PLCG2: variants seen among roughly 807,000 people sequenced by gnomAD.
PLCG2 encodes the protein phospholipase C gamma 2, also known as 1-phosphatidylinositol 4,5-bisphosphate phosphodiesterase gamma-2.
In PLCG2, 69 loss-of-function variants were observed where a neutral mutation model predicts 175.6. That is an observed-to-expected ratio of 0.39 (90% confidence interval 0.32 to 0.48). PLCG2 has a LOEUF of 0.48. Among genes scored for constraint, PLCG2 ranks in the 20% least tolerant of loss-of-function variants. The pLI, the probability that PLCG2 is intolerant of heterozygous loss-of-function variation, is 0.91. For missense variants in PLCG2, 1,798 were observed against 1,650.9 expected, an observed-to-expected ratio of 1.09 and a Z score of -1.54; for synonymous variants, 827 against 624.0, an observed-to-expected ratio of 1.33 and a Z score of -4.85.
At position 81,907,696 on chromosome 16, in the gene PLCG2, G is replaced by A. The variant is rs770303470; in HGVS notation, c.1479G>A (p.Arg493=). ...GTTTCACTTTCTAGAAATGGACTCG[G>A]CACTACTGCGCCATTGCCGATGCCA... is the stretch of plus-strand genomic sequence containing the variant. The part of the protein sequence containing the change: ...MWDSIDQKWT[R]HYCAIADAKL... Residue 493 remains arginine, a synonymous_variant, in exon 16 of 33, where the codon CGG becomes CGA. Coordinates refer to ENST00000564138, the MANE Select transcript of PLCG2 (RefSeq NM_002661.5). 1 of 1,613,240 alleles carries A rather than the reference G, an allele frequency of 6.2e-7. No individual in the cohort carries two copies. The highest frequency in any genetic ancestry group is 8.5e-7 in the Non-Finnish European group (1 of 1,179,270).
intron 2 of PLCG2, among the ~76,000 whole-genome samples, chr16:81,816,934 C>G (rs1373242185): frequency 2.0e-5 from 3 of 152,136 alleles, no homozygotes; most frequent in Non-Finnish European, 2.9e-5. Context: ...TCTAGCTGGT[C>G]TAGAGTCTTC....
chr16:81,762,019 G>A (rs1240421324), intron 2 of PLCG2, among the ~76,000 whole-genome samples: 1 of 151,704 alleles, frequency 6.6e-6, no homozygotes. Context: ...TTTTAGTAGA[G>A]ATGGGGTTTC....
chr16:81,870,590 G>T (rs1158148062), intron 6 of PLCG2, among the ~76,000 whole-genome samples: 1 of 152,184 alleles, frequency 6.6e-6, no homozygotes, highest in African/African-American at 2.4e-5. Context: ...CCCAGACAGG[G>T]GGATTAGGGA....
Position 81,905,446 on chromosome 16 carries a change from A to G in PLCG2, c.1406A>G (p.Glu469Gly), listed in dbSNP as rs1597121726. The change falls in exon 15 of 33, where the codon GAG becomes GGG. Residue 469 changes from glutamate (E) to glycine (G), a missense_variant. By Grantham distance (98) the Glu-to-Gly change is moderately conservative (BLOSUM62 -2). Transcript: ENST00000564138. ...GPRGDVDVNMEDKKDEHKQQG... is the reference protein window; with the variant it reads ...GPRGDVDVNMGDKKDEHKQQG... ...CGAGGCGATGTGGATGTCAACATGG[A>G]GGACAAGAAGGACGAACACAAGCAA... 3 of 1,614,186 alleles carry G rather than the reference A, an allele frequency of 1.9e-6. No individual in the cohort carries two copies. Among genetic ancestry groups the G allele is most frequent in the Non-Finnish European group, 2.5e-6 (3 of 1,180,008 alleles).
intron 2 of PLCG2, among the ~76,000 whole-genome samples, chr16:81,810,785 G>C (rs139782896): frequency 6.6e-6 from 1 of 152,228 alleles, no homozygotes; most frequent in African/African-American, 2.4e-5. Flanking sequence ...GCACTGTATT[G>C]AGTTCTGATA....
At chr16:81,750,413 ACT>A (rs1381489249) in intron 1 of PLCG2, among the ~76,000 whole-genome samples, 3 of 96,260 alleles carry the variant, frequency 3.1e-5, no homozygotes, top group South Asian at 4.1e-4. Context: ...ATAGAGTGAG[ACT>A]CTGTCTCAAA....
chr16:81,856,296 A>G (rs1019181373), intron 3 of PLCG2, among the ~76,000 whole-genome samples: 4 of 152,166 alleles, frequency 2.6e-5, no homozygotes, highest in Non-Finnish European at 5.9e-5. Context: ...AGGTGTTTGC[A>G]CTGTTAGCTT....
intron 2 of PLCG2, among the ~76,000 whole-genome samples, chr16:81,766,085 G>A (rs1242405366): frequency 6.6e-6 from 1 of 152,162 alleles, no homozygotes; most frequent in Non-Finnish European, 1.5e-5. Flanking sequence ...TCTGTCTCCT[G>A]TCTCCCATCT....
At chr16:81,807,619 A>C (rs1904287141) in intron 2 of PLCG2, among the ~76,000 whole-genome samples, 1 of 152,228 alleles carries the variant, frequency 6.6e-6, no homozygotes, top group South Asian at 2.1e-4. Context: ...TTCAATACGC[A>C]TTATTTCCAT....
rs1910679971 is a variant in PLCG2, at chr16:81,935,755, G to T, written c.2843-414G>T. ...ACCCACATTGCAACCCTACCTGTGG[G>T]CTTTGGCAGGTGATTCTCAGTTTGT... On this transcript the variant is annotated intron_variant, in intron 26 of 32. Transcript: ENST00000564138. 3.0e-6 allele frequency: 3 copies of T among 985,180 alleles called. No homozygotes were observed. In the South Asian group the frequency reaches 1.4e-4, roughly 46 times the overall value. The allele number at this position is 985,180 out of a possible 1,614,324, so 61.0% of individuals were successfully genotyped here.
rs539818708 is a variant in PLCG2 at position 81,917,886 on chromosome 16, T to A, written c.2055-1598T>A. 1.7e-3 allele frequency among the ~76,000 whole-genome samples: 265 copies of A among 152,272 alleles called. 1 individual carries two copies. Among genetic ancestry groups the A allele is most frequent in the African/African-American group, 6.0e-3 (248 of 41,540 alleles). On this transcript the variant is annotated intron_variant, in intron 19 of 32. Transcript: ENST00000564138. ...ACAGGTGCCCGCCACTGCGCCCAGCTAATTTTTTGTATTTTTAGTAGAGAC... is the reference window on the plus strand; with the variant it reads ...ACAGGTGCCCGCCACTGCGCCCAGCAAATTTTTTGTATTTTTAGTAGAGAC...
At position 81,896,893 on chromosome 16, in the gene PLCG2, C is replaced by T. The variant is rs542972980; in HGVS notation, c.1193+966C>T. On this transcript the variant is annotated intron_variant, in intron 13 of 32. Coordinates refer to ENST00000564138, the MANE Select transcript of PLCG2 (RefSeq NM_002661.5). Reference sequence around the variant, plus strand: ...TTAAATGGGTGAGAACATTTAGGTTCATTTCAAGGGTTTCTGACCTCAGGT... The same window carrying T: ...TTAAATGGGTGAGAACATTTAGGTTTATTTCAAGGGTTTCTGACCTCAGGT... Among the ~76,000 whole-genome samples the T allele has an allele frequency of 3.9e-5, 6 of 152,334 alleles. No homozygotes were observed. In the South Asian group the frequency reaches 1.2e-3, roughly 32 times the overall value.
At chr16:81,820,993 A>C (rs964949385) in intron 2 of PLCG2, among the ~76,000 whole-genome samples, 2 of 142,700 alleles carry the variant, frequency 1.4e-5, no homozygotes, top group African/African-American at 5.3e-5. Context: ...CTGACGTCAA[A>C]TGATCCGCCC....
intron 2 of PLCG2, among the ~76,000 whole-genome samples, chr16:81,825,817 CAAAGCAAG>C (rs879913889): frequency 3.4e-4 from 52 of 152,066 alleles, no homozygotes; most frequent in Non-Finnish European, 6.6e-4. Context: ...CCAGATTGAC[CAAAGCAAG>C]GTCTTGTCCT....
At chr16:81,887,099 A>T (rs1385598352) in intron 9 of PLCG2, among the ~76,000 whole-genome samples, 3 of 151,042 alleles carry the variant, frequency 2.0e-5, no homozygotes, top group African/African-American at 7.3e-5. Context: ...TCTTTGGGAC[A>T]TCTTGGCCAG....
At chr16:81,841,116 C>T (rs933516785) in intron 2 of PLCG2, among the ~76,000 whole-genome samples, 2 of 152,182 alleles carry the variant, frequency 1.3e-5, no homozygotes, top group Non-Finnish European at 2.9e-5. Flanking sequence ...CTGCTGTCAG[C>T]GCAGTGGCAA....
At chr16:81,883,552 G>A (rs1480751761) in intron 9 of PLCG2, 1 of 592,324 alleles carries the variant, frequency 1.7e-6, no homozygotes, top group Admixed American at 2.9e-5. Context: ...CTCTGGATGA[G>A]AAGAGCCTCA....
chr16:81,841,483 T>C (rs561039109), intron 2 of PLCG2, among the ~76,000 whole-genome samples: 1 of 152,180 alleles, frequency 6.6e-6, no homozygotes, highest in South Asian at 2.1e-4. Context: ...TCAAGTGATC[T>C]GCCCACTTCG....
At chr16:81,843,635 T>A (rs904399315) in intron 2 of PLCG2, among the ~76,000 whole-genome samples, 3 of 152,224 alleles carry the variant, frequency 2.0e-5, no homozygotes, top group African/African-American at 7.2e-5. Context: ...TAAGCATGTT[T>A]GCAAAAAGTA....
Sources: allele counts gnomAD v4.1 joint callset (sites outside exome capture counted in the v4.1 genomes callset), GRCh38; gene constraint gnomAD v4.1.1; transcripts MANE v1.5; gene names NCBI Gene and HGNC (gene_info 2026-07-23, HGNC 2026-07-21).